PPARGC1A: variants seen among roughly 807,000 people sequenced by gnomAD.
PPARGC1A encodes the protein peroxisome proliferator-activated receptor gamma coactivator 1-alpha.
PPARGC1A carries 25 observed loss-of-function variants against 88.7 expected under a neutral mutation model. That is an observed-to-expected ratio of 0.28 (90% CI 0.21 to 0.39). The LOEUF is 0.39. PPARGC1A is among the 10% of genes least tolerant of loss of function. The pLI, the probability that PPARGC1A is intolerant of heterozygous loss-of-function variation, is 1.00. For missense variants in PPARGC1A, 880 were observed against 968.7 expected (o/e 0.91, Z 1.22); for synonymous variants, 363 against 355.6 (o/e 1.02, Z -0.24).
the PPARGC1A span, among the ~76,000 whole-genome samples, chr4:24,000,582 T>TA: frequency 6.6e-6 from 1 of 152,136 alleles, no homozygotes; most frequent in African/African-American, 2.4e-5. Context: ...TGCCTCATGA[T>TA]AAAATTAAGT....
At chr4:24,153,890 C>G in the PPARGC1A span, among the ~76,000 whole-genome samples, 2 of 151,882 alleles carry the variant, frequency 1.3e-5, no homozygotes, top group African/African-American at 4.8e-5. Flanking sequence ...AAAGTGGATC[C>G]CTCCACATGA....
chr4:24,234,686 C>T, the PPARGC1A span, among the ~76,000 whole-genome samples: 45 of 152,134 alleles, frequency 3.0e-4, no homozygotes, highest in African/African-American at 1.1e-3. Context: ...TGGTTATGTG[C>T]TAATTCAAAG....
chr4:23,812,832 A>G lies in PPARGC1A; in HGVS notation c.1934T>C (p.Leu645Pro). The G allele has an allele frequency of 1.2e-6, 2 of 1,613,956 alleles. No individual in the cohort carries two copies. Among genetic ancestry groups the G allele is most frequent in the African/African-American group, 1.3e-5 (1 of 75,000 alleles). ...CTCTCTGCGATATTCTTCCCTCTTC[A>G]GCCTCTCGTGCTGATATTCCTCGTA... ...DSYEEYQHER[L>P]KREEYRREYE... is the part of the protein sequence containing the mutation. Residue 645 changes from leucine to proline, a missense_variant, in exon 10 of 13, where the codon CTG (leucine) becomes CCG (proline). Coordinates refer to ENST00000264867, the MANE Select transcript of PPARGC1A (RefSeq NM_013261.5).
the PPARGC1A span, among the ~76,000 whole-genome samples, chr4:24,273,111 G>A: frequency 2.0e-5 from 3 of 152,132 alleles, no homozygotes; most frequent in African/African-American, 7.2e-5. Flanking sequence ...CTCTTGCATC[G>A]TTTAAAGCAA....
chr4:24,399,553 A>T, the PPARGC1A span, among the ~76,000 whole-genome samples: 5 of 152,284 alleles, frequency 3.3e-5, no homozygotes, highest in East Asian at 9.7e-4. Flanking sequence ...CACCACAGCA[A>T]AAGGACATTA....
chr4:23,826,786 C>T (rs993897079), intron 5 of PPARGC1A, among the ~76,000 whole-genome samples: 1 of 152,014 alleles, frequency 6.6e-6, no homozygotes, highest in Non-Finnish European at 1.5e-5. Context: ...CCAAATACAG[C>T]CAGTCTCATC....
the PPARGC1A span, among the ~76,000 whole-genome samples, chr4:24,250,255 C>T: frequency 1.5e-4 from 23 of 152,186 alleles, no homozygotes; most frequent in Non-Finnish European, 2.9e-4. Context: ...ATTCTGGTTT[C>T]CTGCAATTTC....
At chr4:24,044,449 C>T in the PPARGC1A span, among the ~76,000 whole-genome samples, 1 of 143,102 alleles carries the variant, frequency 7.0e-6, no homozygotes, top group Non-Finnish European at 1.5e-5. Context: ...GGCGGATTCA[C>T]GGATTCACAG....
the PPARGC1A span, among the ~76,000 whole-genome samples, chr4:23,910,371 T>TATATTATATATATTATATTATATTATA: frequency 2.1e-5 from 2 of 97,546 alleles, no homozygotes; most frequent in African/African-American, 8.8e-5. Flanking sequence ...ATATATTATA[T>TATATTATATATATTATATTATATTATA]TATATTATAT....
chr4:23,862,440 A>G (rs183034997), intron 2 of PPARGC1A, among the ~76,000 whole-genome samples: 12 of 152,248 alleles, frequency 7.9e-5, no homozygotes. Flanking sequence ...AGAGGTATTA[A>G]TTGGGAAGCA....
the PPARGC1A span, among the ~76,000 whole-genome samples, chr4:24,226,724 C>T: frequency 6.6e-6 from 1 of 152,208 alleles, no homozygotes; most frequent in African/African-American, 2.4e-5. Flanking sequence ...CCTGCCAGCG[C>T]TGGGCTGTCT....
At chr4:24,152,763 T>G in the PPARGC1A span, among the ~76,000 whole-genome samples, 1 of 152,222 alleles carries the variant, frequency 6.6e-6, no homozygotes, top group South Asian at 2.1e-4. Context: ...TTTAATTAAT[T>G]AACTCTGTAT....
At chr4:23,810,803 C>T (rs764942692) in intron 10 of PPARGC1A, among the ~76,000 whole-genome samples, 2 of 152,052 alleles carry the variant, frequency 1.3e-5, no homozygotes, top group South Asian at 2.1e-4. Flanking sequence ...CCTACATGTT[C>T]GCTCAGCATG....
the PPARGC1A span, among the ~76,000 whole-genome samples, chr4:24,055,087 A>G: frequency 6.6e-6 from 1 of 152,236 alleles, no homozygotes; most frequent in Non-Finnish European, 1.5e-5. Context: ...GCTACAGGAC[A>G]GAGCTGGAAT....
At chr4:23,904,002 T>G, upstream of PPARGC1A, 2 of 964,238 alleles carry the variant, frequency 2.1e-6, no homozygotes, top group Non-Finnish European at 2.5e-6. Context: ...ACTTTCAAAA[T>G]TGAATCCATA....
At chr4:24,163,662 T>C in the PPARGC1A span, among the ~76,000 whole-genome samples, 2 of 152,244 alleles carry the variant, frequency 1.3e-5, no homozygotes, top group Non-Finnish European at 2.9e-5. Flanking sequence ...TATGACGCTA[T>C]AGCAATACTG....
the PPARGC1A span, among the ~76,000 whole-genome samples, chr4:24,236,158 T>G: frequency 6.6e-6 from 1 of 152,252 alleles, no homozygotes; most frequent in Admixed American, 6.5e-5. Context: ...ACTTTTGGCA[T>G]GTATCCGGAA....
the PPARGC1A span, among the ~76,000 whole-genome samples, chr4:24,065,841 A>G: frequency 1.3e-5 from 2 of 152,198 alleles, no homozygotes; most frequent in African/African-American, 4.8e-5. Context: ...CTGTTCATTC[A>G]TCACACAGTT....
the PPARGC1A span, among the ~76,000 whole-genome samples, chr4:24,079,597 T>G: frequency 6.6e-6 from 1 of 152,168 alleles, no homozygotes; most frequent in East Asian, 1.9e-4. Flanking sequence ...ACACAGAGAA[T>G]TTTTACATTT....
Sources: gnomAD v4.1 joint callset for allele counts (sites outside exome capture counted in the v4.1 genomes callset) on GRCh38, gnomAD v4.1.1 for gene constraint, MANE v1.5 for transcripts, NCBI Gene and HGNC (gene_info 2026-07-23, HGNC 2026-07-21) for gene names.